Variants in ERBB4 observed in about 807,000 individuals in gnomAD.
The protein encoded by ERBB4 is receptor tyrosine-protein kinase erbB-4.
A neutral mutation model predicts 158.0 loss-of-function variants in ERBB4; 42 were observed. The ratio of observed to expected loss-of-function variants is 0.27; its 90% CI spans 0.21 to 0.34. ERBB4 has a LOEUF of 0.34. Among genes scored for constraint, ERBB4 ranks in the 10% least tolerant of loss-of-function variants. ERBB4 has a pLI of 1.00. For missense variants in ERBB4, 1,333 were observed against 1,624.1 expected (o/e 0.82, Z 3.08); for synonymous variants, 583 against 558.7 (o/e 1.04, Z -0.61).
chr2:212,341,453 T>C, intron 1 of ERBB4, among the ~76,000 whole-genome samples: 1 of 152,118 alleles, frequency 6.6e-6, no homozygotes, highest in South Asian at 2.1e-4. Context: ...TTATTTTTCT[T>C]ACTATTTAAC....
intron 1 of ERBB4, among the ~76,000 whole-genome samples, chr2:212,360,011 A>G (rs1006192946): frequency 6.6e-6 from 1 of 151,810 alleles, no homozygotes; most frequent in Admixed American, 6.6e-5. Flanking sequence ...ATCAGAGAAT[A>G]TCACATAACC....
At chr2:211,924,783 T>C (rs2079970826) in intron 3 of ERBB4, among the ~76,000 whole-genome samples, 2 of 152,140 alleles carry the variant, frequency 1.3e-5, no homozygotes, top group South Asian at 4.1e-4. Flanking sequence ...GTACTTAATA[T>C]ATAGCTTTTT....
chr2:212,329,137 T>C (rs944905184), intron 1 of ERBB4, among the ~76,000 whole-genome samples: 1 of 152,012 alleles, frequency 6.6e-6, no homozygotes, highest in African/African-American at 2.4e-5. Context: ...ACTTTAAAGG[T>C]ACCAGACAAC....
chr2:211,671,527 A>T (rs1260522682), intron 14 of ERBB4, among the ~76,000 whole-genome samples: 2 of 152,196 alleles, frequency 1.3e-5, no homozygotes. Context: ...CAAATGAAAC[A>T]TTAGGCAAGT....
chr2:212,524,365 G>T (rs1415521989), intron 1 of ERBB4, among the ~76,000 whole-genome samples: 1 of 151,938 alleles, frequency 6.6e-6, no homozygotes, highest in Non-Finnish European at 1.5e-5. Flanking sequence ...CACACCTGCA[G>T]CAGCTAATAC....
chr2:211,703,920 G>C (rs998595648), intron 11 of ERBB4, among the ~76,000 whole-genome samples, 184 bp downstream of exon 11: 5 of 152,148 alleles, frequency 3.3e-5, no homozygotes, highest in Non-Finnish European at 5.9e-5. Context: ...ATCAAAGTAT[G>C]TATTCTGTAA....
At chr2:212,461,373 A>T (rs1009189330) in intron 1 of ERBB4, among the ~76,000 whole-genome samples, 1 of 152,174 alleles carries the variant, frequency 6.6e-6, no homozygotes, top group Non-Finnish European at 1.5e-5. Flanking sequence ...TGTGACTTGG[A>T]TGTAAGAGAA....
intron 19 of ERBB4, among the ~76,000 whole-genome samples, chr2:211,605,196 T>C (rs1184875915): frequency 6.6e-6 from 1 of 152,128 alleles, no homozygotes; most frequent in African/African-American, 2.4e-5. Flanking sequence ...AATCTAAATC[T>C]AAAAGGGAGA....
chr2:211,833,953 G>T (rs1335884309), intron 3 of ERBB4, among the ~76,000 whole-genome samples: 3 of 152,058 alleles, frequency 2.0e-5, no homozygotes, highest in Non-Finnish European at 2.9e-5. Flanking sequence ...TTCACTGGAT[G>T]CCACCCCTAG....
At chr2:211,914,167 A>G (rs141046242) in intron 3 of ERBB4, among the ~76,000 whole-genome samples, 217 of 151,992 alleles carry the variant, frequency 1.4e-3, no homozygotes, top group African/African-American at 4.9e-3. Context: ...CCCAAGATAG[A>G]GATATAAGAA....
intron 2 of ERBB4, among the ~76,000 whole-genome samples, chr2:212,041,334 C>A (rs1320588581): frequency 6.7e-6 from 1 of 149,478 alleles, no homozygotes; most frequent in African/African-American, 2.4e-5. Context: ...TATATCTAAG[C>A]TAATGAGTAT....
At chr2:212,479,269 C>T (rs1689561918) in intron 1 of ERBB4, among the ~76,000 whole-genome samples, 2 of 152,018 alleles carry the variant, frequency 1.3e-5, no homozygotes, top group African/African-American at 2.4e-5. Context: ...TCTTTAAAGC[C>T]CCCAATTCCT....
intron 1 of ERBB4, among the ~76,000 whole-genome samples, chr2:212,382,572 T>G (rs1329937916): frequency 6.6e-6 from 1 of 150,954 alleles, no homozygotes; most frequent in Admixed American, 6.7e-5. Flanking sequence ...ATATTTTCCC[T>G]GAATTTCTGA....
At chr2:212,239,173 G>A (rs79714675) in intron 1 of ERBB4, among the ~76,000 whole-genome samples, 3,308 of 152,252 alleles carry the variant, frequency 0.022, 98 homozygotes, top group African/African-American at 0.075. Flanking sequence ...TCATTCTGAA[G>A]TAGATAAAAC....
intron 26 of ERBB4, 104 bp from the exon 27 acceptor site, chr2:211,387,254 A>G (rs1559117392): frequency 2.0e-6 from 2 of 990,778 alleles, no homozygotes. Context: ...TTCAGAGAAT[A>G]GTCATAGTAT....
At chr2:211,871,411 T>G (rs2078341870) in intron 3 of ERBB4, among the ~76,000 whole-genome samples, 1 of 152,130 alleles carries the variant, frequency 6.6e-6, no homozygotes, top group African/African-American at 2.4e-5. Flanking sequence ...TCAAGTAATT[T>G]TCTCTATGCC....
At chr2:212,265,986 G>A (rs1177581784) in intron 1 of ERBB4, among the ~76,000 whole-genome samples, 1 of 152,020 alleles carries the variant, frequency 6.6e-6, no homozygotes, top group African/African-American at 2.4e-5. Flanking sequence ...CCACAGACCT[G>A]ATGGTGCTCT....
chr2:211,452,653 T>C (rs2064278835), intron 20 of ERBB4, among the ~76,000 whole-genome samples: 1 of 152,186 alleles, frequency 6.6e-6, no homozygotes, highest in South Asian at 2.1e-4. Flanking sequence ...ATTATCTATA[T>C]TGATATTGGC....
rs2125319388 is a variant in ERBB4, at chr2:211,387,014, C to G, written c.3320G>C (p.Cys1107Ser). Residue 1107 changes from cysteine to serine, a missense_variant, in exon 27 of 28, where the codon TGT (cysteine) becomes TCT (serine). Physicochemically the swap from Cys to Ser is moderately radical, Grantham distance 112. This residue lies in a region of ERBB4 where 252 missense variants were observed against 241.3 expected (regional missense o/e 1.04). Transcript: ENST00000342788. ...CACTGGCTTGCGTAGGGTGCCATTA[C>G]AGCAGGAGTCATCAAAAATCTCAGC... Reference protein sequence around the residue: ...ATAEIFDDSCCNGTLRKPVAP... With the variant: ...ATAEIFDDSCSNGTLRKPVAP... 6.2e-7 allele frequency: 1 copy of G among 1,614,080 alleles called. No individual in the cohort carries two copies. The highest frequency in any genetic ancestry group is 8.5e-7 in the Non-Finnish European group (1 of 1,180,016).
Sources: allele counts gnomAD v4.1 joint callset (sites outside exome capture counted in the v4.1 genomes callset), GRCh38; gene constraint gnomAD v4.1.1; regional missense constraint gnomAD v4.1.1; transcripts MANE v1.5; gene names NCBI Gene and HGNC (gene_info 2026-07-23, HGNC 2026-07-21).